WDFY3: variants seen among roughly 807,000 people sequenced by gnomAD.
WDFY3 encodes WD repeat and FYVE domain-containing protein 3.
Under a neutral mutation model 409.6 loss-of-function variants are expected in WDFY3, and 66 were observed. The ratio of observed to expected loss-of-function variants is 0.16; its 90% CI spans 0.13 to 0.20. The LOEUF (loss-of-function observed/expected upper bound fraction) is 0.20. WDFY3 is among the 10% of genes least tolerant of loss of function. WDFY3 has a pLI of 1.00. For missense variants in WDFY3, 3,031 were observed against 4,298.1 expected (o/e 0.71, Z 8.24); for synonymous variants, 1,521 against 1,537.1 (o/e 0.99, Z 0.25).
intron 21 of WDFY3, among the ~76,000 whole-genome samples, chr4:84,791,657 A>T (rs1748551764): frequency 6.6e-6 from 1 of 152,328 alleles, no homozygotes; most frequent in Middle Eastern, 3.4e-3. Context: ...ACAAGAGGAC[A>T]ACTATCTATT....
chr4:84,796,197 A>T (rs936194454), intron 19 of WDFY3, among the ~76,000 whole-genome samples: 1 of 151,954 alleles, frequency 6.6e-6, no homozygotes, highest in African/African-American at 2.4e-5. Context: ...AGCCATAGGA[A>T]ATATAAATGA....
chr4:84,807,569 G>GT (rs1751723006), intron 15 of WDFY3, among the ~76,000 whole-genome samples: 2 of 152,112 alleles, frequency 1.3e-5, no homozygotes, highest in African/African-American at 4.8e-5. Context: ...GAATATTAAT[G>GT]TAAGAGTTAA....
intron 10 of WDFY3, among the ~76,000 whole-genome samples, chr4:84,823,489 T>TA (rs1471767515): frequency 1.1e-4 from 17 of 150,726 alleles, no homozygotes; most frequent in East Asian, 9.7e-4. Context: ...AAAGATGCGT[T>TA]AAAAAAAAAC....
chr4:84,873,241 C>T (rs1264376124), intron 3 of WDFY3, among the ~76,000 whole-genome samples: 1 of 152,166 alleles, frequency 6.6e-6, no homozygotes, highest in African/African-American at 2.4e-5. Context: ...TTCTCAAATT[C>T]ACGTGAAACA....
At chr4:84,782,920 G>A in intron 25 of WDFY3, 43 bp downstream of exon 25, 1 of 1,582,312 alleles carries the variant, frequency 6.3e-7, no homozygotes, top group Admixed American at 1.7e-5. Flanking sequence ...CAAACTTGAT[G>A]GCAAATAAAG....
At chr4:84,703,387 A>T (rs553300094) in intron 55 of WDFY3, among the ~76,000 whole-genome samples, 1 of 152,152 alleles carries the variant, frequency 6.6e-6, no homozygotes, top group Non-Finnish European at 1.5e-5. Context: ...CAAGCCCCCT[A>T]TGCTGCTGTG....
intron 44 of WDFY3, among the ~76,000 whole-genome samples, chr4:84,730,945 G>A (rs558936616): frequency 1.3e-5 from 2 of 152,156 alleles, no homozygotes; most frequent in East Asian, 3.9e-4. Context: ...TTACAGGCAT[G>A]CGCCACCACA....
Position 84,756,934 on chromosome 4 carries a change from C to G in WDFY3, c.5416G>C (p.Gly1806Arg). Residue 1806 changes from glycine (G) to arginine (R), a missense_variant, in exon 33 of 68, where the codon GGT (glycine) becomes CGT (arginine). By Grantham distance (125) the Gly-to-Arg change is moderately radical. Coordinates refer to ENST00000295888, the MANE Select transcript of WDFY3 (RefSeq NM_014991.6). The stretch of plus-strand genomic sequence containing the variant: ...TGCTAGATAATTCCTACCTGGCAAC[C>G]CTGCTTACTCCGGCAGCTGATGACA... ...VPVISCRSKQ[G>R]CQFDLDSIWT... 3 of 1,613,664 alleles carry G rather than the reference C, an allele frequency of 1.9e-6. No individual in the cohort carries two copies. The South Asian group carries it at 3.3e-5, about 18-fold the overall frequency.
chr4:84,840,801 G>A (rs1221807855), intron 6 of WDFY3, among the ~76,000 whole-genome samples: 1 of 150,064 alleles, frequency 6.7e-6, no homozygotes, highest in Non-Finnish European at 1.5e-5. Context: ...GACTGGTCTC[G>A]AATTTCCGGG....
intron 3 of WDFY3, among the ~76,000 whole-genome samples, chr4:84,867,268 T>C (rs1189656867): frequency 1.3e-5 from 2 of 152,200 alleles, no homozygotes; most frequent in Non-Finnish European, 1.5e-5. Flanking sequence ...TACAGTGCTA[T>C]GTTTTAGAGA....
At chr4:84,855,891 C>T (rs755593984) in intron 4 of WDFY3, among the ~76,000 whole-genome samples, 1 of 152,144 alleles carries the variant, frequency 6.6e-6, no homozygotes, top group Admixed American at 6.5e-5. Flanking sequence ...AACTCAGTCC[C>T]GTCCTCTCCT....
intron 27 of WDFY3, among the ~76,000 whole-genome samples, chr4:84,777,684 G>A (rs1353098376): frequency 6.6e-6 from 1 of 152,038 alleles, no homozygotes; most frequent in African/African-American, 2.4e-5. Flanking sequence ...TGAGGAAGAA[G>A]GGTTAGGGCC....
chr4:84,887,039 G>A (rs1429531799), intron 3 of WDFY3, among the ~76,000 whole-genome samples: 1 of 152,102 alleles, frequency 6.6e-6, no homozygotes, highest in Non-Finnish European at 1.5e-5. Flanking sequence ...GTAGGTGCTT[G>A]GGATACAGTG....
At chr4:84,858,702 A>G (rs1001165896) in intron 4 of WDFY3, among the ~76,000 whole-genome samples, 2 of 151,930 alleles carry the variant, frequency 1.3e-5, no homozygotes, top group Admixed American at 6.6e-5. Flanking sequence ...ATTTCACACA[A>G]AAAGATAGAT....
Position 84,672,996 on chromosome 4 carries a change from A to G in WDFY3, c.10458-5T>C. The G allele has an allele frequency of 1.2e-6, 2 of 1,613,962 alleles. No individual in the cohort carries two copies. The highest frequency in any genetic ancestry group is 1.7e-6 in the Non-Finnish European group (2 of 1,179,928). ...TCAGATTGAAAGCGACTGCACCTAAAGGAAAGGAAAAGTCAATTAATTATA... is the reference window on the plus strand; with the variant it reads ...TCAGATTGAAAGCGACTGCACCTAAGGGAAAGGAAAAGTCAATTAATTATA... On this transcript the variant is annotated splice_region_variant and splice_polypyrimidine_tract_variant and intron_variant, in intron 67 of 67. Transcript: ENST00000295888.
At chr4:84,907,319 TAA>T (rs1767171087) in intron 2 of WDFY3, among the ~76,000 whole-genome samples, 2 of 152,296 alleles carry the variant, frequency 1.3e-5, no homozygotes, top group African/African-American at 4.8e-5. Flanking sequence ...GACCAGATTA[TAA>T]AAGACATTAT....
At chr4:84,811,812 G>A (rs942878412) in intron 13 of WDFY3, among the ~76,000 whole-genome samples, 1 of 152,078 alleles carries the variant, frequency 6.6e-6, no homozygotes, top group Non-Finnish European at 1.5e-5. Flanking sequence ...TAAAGTGTTT[G>A]GCACCAGAAA....
In WDFY3 at chr4:84,858,470, A is replaced by G. The variant is rs369634483; in HGVS notation, c.180+1942T>C. ...AAACAACAAAGAATTCAAGGAAATT[A>G]AAACTGTGATATTAATAGCACAACA... is the stretch of plus-strand genomic sequence containing the variant. On this transcript the variant is annotated intron_variant, in intron 4 of 67. Transcript: ENST00000295888. Among the ~76,000 whole-genome samples, 77 of 152,334 alleles carry G rather than the reference A, an allele frequency of 5.1e-4. No homozygotes were observed. The South Asian group carries it at 0.016, about 31-fold the overall frequency.
At chr4:84,854,544 G>C (rs1759480964) in intron 4 of WDFY3, among the ~76,000 whole-genome samples, 2 of 152,182 alleles carry the variant, frequency 1.3e-5, no homozygotes. Flanking sequence ...AGAGGATGCA[G>C]CATGAAGCTG....
Sources: gnomAD v4.1 joint callset for allele counts (sites outside exome capture counted in the v4.1 genomes callset) on GRCh38, gnomAD v4.1.1 for gene constraint, MANE v1.5 for transcripts, NCBI Gene and HGNC (gene_info 2026-07-23, HGNC 2026-07-21) for gene names.